Variants in NEDD9 observed in about 807,000 individuals in gnomAD.
NEDD9 encodes the protein enhancer of filamentation 1.
NEDD9 carries 26 observed loss-of-function variants against 76.6 expected under a neutral mutation model. The observed-to-expected ratio is 0.34, with a 90% CI of 0.25 to 0.47. The LOEUF (loss-of-function observed/expected upper bound fraction) is 0.47, where lower values mean the gene tolerates loss of function less well. Ranked by LOEUF, NEDD9 falls within the 20% of genes least tolerant of loss-of-function variation. The pLI is 1.00. For missense variants in NEDD9, 937 were observed against 1,058.5 expected (o/e 0.89, Z 1.59); for synonymous variants, 392 against 414.2 (o/e 0.95, Z 0.65).
At chr6:11,351,096 C>G (rs1412587584) in intron 1 of NEDD9, among the ~76,000 whole-genome samples, 7 of 152,090 alleles carry the variant, frequency 4.6e-5, no homozygotes, top group Non-Finnish European at 1.0e-4. Flanking sequence ...AAGAAGTGAG[C>G]TGGCAAGAGA....
intron 1 of NEDD9, among the ~76,000 whole-genome samples, chr6:11,229,120 T>C (rs1759391618): frequency 6.6e-6 from 1 of 152,224 alleles, no homozygotes. Flanking sequence ...CAGGTTCTCC[T>C]TTCCCTGACC....
chr6:11,190,815 G>T lies in NEDD9; in HGVS notation c.1054C>A (p.Pro352Thr), dbSNP rs746023756. ...TCCCGAGAGCCTTTAGCATCTGGCG[G>T]GTTATGCAGAGGGACATCATAAACA... ...DGVYDVPLHN[P>T]PDAKGSRDLV... is the part of the protein sequence containing the mutation. The change falls in exon 5 of 7, where the codon CCG (proline) becomes ACG (threonine). Residue 352 changes from proline to threonine, a missense_variant. Transcript: ENST00000379446. The surrounding 1 kb of genome is among the most constrained non-coding windows in gnomAD (Gnocchi z 5.8). 25 of 1,614,088 alleles carry T rather than the reference G, an allele frequency of 1.5e-5. No homozygotes were observed. The highest frequency in any genetic ancestry group is 2.2e-5 in the South Asian group (2 of 91,086).
intron 2 of NEDD9, among the ~76,000 whole-genome samples, chr6:11,204,227 C>T (rs1041784268): frequency 6.6e-6 from 1 of 152,306 alleles, no homozygotes; most frequent in Non-Finnish European, 1.5e-5. Flanking sequence ...TTCTCAATGC[C>T]CTGCGGCCTA....
At chr6:11,339,511 G>A (rs1379492194) in intron 1 of NEDD9, among the ~76,000 whole-genome samples, 2 of 152,156 alleles carry the variant, frequency 1.3e-5, no homozygotes, top group Non-Finnish European at 2.9e-5. Context: ...GTTTTATACA[G>A]GTGTGGCCAA....
intron 1 of NEDD9, among the ~76,000 whole-genome samples, chr6:11,374,068 A>C (rs55945223): frequency 0.13 from 18,947 of 147,690 alleles, 1,281 homozygotes; most frequent in East Asian, 0.25. Context: ...CTCTCTCTCT[A>C]TATATATATG....
chr6:11,285,110 G>T (rs1166954402), intron 3 of NEDD9, among the ~76,000 whole-genome samples: 2 of 152,108 alleles, frequency 1.3e-5, no homozygotes, highest in African/African-American at 4.8e-5. Context: ...GTGACTTTAG[G>T]AAATAGGTGC....
chr6:11,236,301 C>T (rs1759598763), upstream of NEDD9, among the ~76,000 whole-genome samples: 1 of 152,178 alleles, frequency 6.6e-6, no homozygotes, highest in Non-Finnish European at 1.5e-5. This position sits in a 1 kb window ranked among gnomAD's most constrained non-coding sequence, Gnocchi z 5.5. Context: ...TTGCCGCCTG[C>T]CTGCTCTTCA....
chr6:11,281,017 A>G (rs1048400874), intron 3 of NEDD9, among the ~76,000 whole-genome samples: 2 of 152,248 alleles, frequency 1.3e-5, no homozygotes, highest in African/African-American at 4.8e-5. Flanking sequence ...TAAGCATTCA[A>G]TGGTTGCTCA....
At chr6:11,321,417 G>A (rs4711251) in intron 2 of NEDD9, among the ~76,000 whole-genome samples, 23,536 of 152,156 alleles carry the variant, frequency 0.15, 1,964 homozygotes, top group Admixed American at 0.23. Context: ...TCAAAATGCC[G>A]TGAGCCCAGT....
chr6:11,277,093 T>A lies in NEDD9; in HGVS notation c.12+28899A>T, dbSNP rs9461616. Among the ~76,000 whole-genome samples the A allele has an allele frequency of 8.5e-3, 1,289 of 152,268 alleles. 16 individuals are homozygous for A. The highest frequency in any genetic ancestry group is 0.03 in the African/African-American group (1,237 of 41,532). ...CATCTGGAAGTGACTAATTTTCATT[T>A]GTAATATGGTGCAGTGGCAAAGCAT... On this transcript the variant is annotated intron_variant, in intron 3 of 3. Transcript: ENST00000397378.
chr6:11,246,238 A>G (rs1759804935), intron 3 of NEDD9, among the ~76,000 whole-genome samples: 1 of 152,342 alleles, frequency 6.6e-6, no homozygotes. Context: ...CCTAAGTGCC[A>G]TTTCTGTACT....
chr6:11,350,809 G>C lies in NEDD9; in HGVS notation c.-213-16248C>G, dbSNP rs139558391. On this transcript the variant is annotated intron_variant, in intron 1 of 3. Coordinates refer to the NEDD9 transcript ENST00000397378. ...AGTGAGCAAGTGGTCGGGATGCCCT[G>C]ATACACATAGCGTAGGTAAACACTC... Among the ~76,000 whole-genome samples, 258 of 152,216 alleles carry C rather than the reference G, an allele frequency of 1.7e-3. 1 individual carries two copies. Among genetic ancestry groups the C allele is most frequent in the Middle Eastern group, 6.8e-3 (2 of 294 alleles).
At chr6:11,281,248 A>G (rs916989517) in intron 3 of NEDD9, among the ~76,000 whole-genome samples, 1 of 152,212 alleles carries the variant, frequency 6.6e-6, no homozygotes, top group Non-Finnish European at 1.5e-5. Context: ...CCTTCCTCAG[A>G]GCAGCCATGT....
chr6:11,292,188 G>T (rs535393999), intron 3 of NEDD9, among the ~76,000 whole-genome samples: 8 of 152,228 alleles, frequency 5.3e-5, no homozygotes, highest in African/African-American at 1.7e-4. Flanking sequence ...AATAAGTGAG[G>T]CCCATCTATG....
rs992237895 is a variant in NEDD9, at chr6:11,193,130, G to T, written c.561+461C>A. ...AACCAGCCTGGCCACCATGGCAAAAGCCTGTCCCTACAAAATACAAAAATT... is the reference window on the plus strand; with the variant it reads ...AACCAGCCTGGCCACCATGGCAAAATCCTGTCCCTACAAAATACAAAAATT... On this transcript the variant is annotated intron_variant, in intron 3 of 6. Transcript: ENST00000379446. 5.3e-5 allele frequency among the ~76,000 whole-genome samples: 8 copies of T among 151,286 alleles called. 1 individual carries two copies. Among genetic ancestry groups the T allele is most frequent in the African/African-American group, 1.9e-4 (8 of 41,192 alleles).
chr6:11,236,982 C>T (rs535790115), upstream of NEDD9, among the ~76,000 whole-genome samples: 11 of 152,256 alleles, frequency 7.2e-5, no homozygotes, highest in South Asian at 1.5e-3. This position sits in a 1 kb window ranked among gnomAD's most constrained non-coding sequence, Gnocchi z 5.5. Context: ...GATTCCAAGA[C>T]GGACTTGCAC....
At position 11,198,528 on chromosome 6, in the gene NEDD9, GATA is replaced by G. The variant is rs1758347417; in HGVS notation, c.460-4839_460-4837del. The G allele has an allele frequency of 6.6e-6, 1 of 152,100 alleles. No individual in the cohort carries two copies. The highest frequency in any genetic ancestry group is 1.5e-5 in the Non-Finnish European group (1 of 68,034). 9.4% of individuals were successfully genotyped at this position (152,100 alleles called of 1,614,324 possible). On this transcript the variant is annotated intron_variant, in intron 2 of 6. Coordinates refer to ENST00000379446, the MANE Select transcript of NEDD9 (RefSeq NM_006403.4). The surrounding 1 kb of genome is among the most constrained non-coding windows in gnomAD (Gnocchi z 4.7). ...TCCCCCACCAAGCCCTTCCCAAACAGATAATATGTCTCTATCCTTGGAACTCCC... is the reference window on the plus strand; with the variant it reads ...TCCCCCACCAAGCCCTTCCCAAACAGATATGTCTCTATCCTTGGAACTCCC...
Position 11,190,207 on chromosome 6 carries a change from C to T in NEDD9, c.1662G>A (p.Glu554=). 6.2e-7 allele frequency: 1 copy of T among 1,614,228 alleles called. No homozygotes were observed. The highest frequency in any genetic ancestry group is 8.5e-7 in the Non-Finnish European group (1 of 1,180,034). Residue 554 remains glutamate, a synonymous_variant, in exon 5 of 7, where the codon GAG becomes GAA. Transcript: ENST00000379446. The surrounding 1 kb of genome is among the most constrained non-coding windows in gnomAD (Gnocchi z 5.8). ...QLTTTINTNA[E]ALFRPGPGSL... is the part of the protein sequence containing the mutation. The stretch of plus-strand genomic sequence containing the variant: ...TGCCAGGGCCGGGTCTGAAGAGGGC[C>T]TCTGCGTTGGTGTTGATGGTTGTGG...
At chr6:11,304,032 T>C (rs1761118684) in intron 3 of NEDD9, among the ~76,000 whole-genome samples, 1 of 152,160 alleles carries the variant, frequency 6.6e-6, no homozygotes, top group African/African-American at 2.4e-5. Context: ...GCCTACAGAA[T>C]GGGAGAAAAT....
Sources: gnomAD v4.1 joint callset for allele counts (sites outside exome capture counted in the v4.1 genomes callset) on GRCh38, gnomAD v4.1.1 for gene constraint, Gnocchi (gnomAD v3.1) non-coding constraint, MANE v1.5 for transcripts, NCBI Gene and HGNC (gene_info 2026-07-23, HGNC 2026-07-21) for gene names.